The following BYSL variants were observed in gnomAD, a reference collection of about 807,000 sequenced individuals.
BYSL encodes the protein bystin.
In BYSL, 21 loss-of-function variants were observed where a neutral mutation model predicts 45.4. The ratio of observed to expected loss-of-function variants is 0.46; its 90% confidence interval spans 0.33 to 0.67. The LOEUF is 0.67. Among genes scored for constraint, BYSL ranks in the 30% least tolerant of loss-of-function variants. BYSL has a pLI of 0.02. For missense variants in BYSL, 522 were observed against 578.5 expected (o/e 0.90, Z 1.00); for synonymous variants, 215 against 231.3 (o/e 0.93, Z 0.64).
At chr6:41,926,867 G>A (rs1000847759) in intron 1 of BYSL, among the ~76,000 whole-genome samples, 7 of 151,180 alleles carry the variant, frequency 4.6e-5, no homozygotes, top group Non-Finnish European at 7.4e-5. Flanking sequence ...AGGCCAAGGC[G>A]GGCGGATCAC....
rs1348691111 is a variant in BYSL at position 41,921,835 on chromosome 6, GTGTC to G, written c.268+8_268+11del. On this transcript the variant is annotated splice_donor_region_variant and intron_variant, in intron 1 of 6. Transcript: ENST00000230340. ...GGGAACGCACCACGCGGCTGGGTGA[GTGTC>G]TGGGATGAGGTCCGAGGAAGACAGT... 1 of 1,609,712 alleles carries G rather than the reference GTGTC, an allele frequency of 6.2e-7. No individual in the cohort carries two copies. Among genetic ancestry groups the G allele is most frequent in the Non-Finnish European group, 8.5e-7 (1 of 1,178,406 alleles).
At chr6:41,918,924 G>A (rs796380767), upstream of BYSL, among the ~76,000 whole-genome samples, 665 of 138,370 alleles carry the variant, frequency 4.8e-3, 6 homozygotes, top group African/African-American at 0.017. Context: ...TCCGCAGTCC[G>A]GCCTGGGCGA....
At chr6:41,909,347 G>C in the BYSL span, 1 of 1,614,150 alleles carries the variant, frequency 6.2e-7, no homozygotes, top group South Asian at 1.1e-5. Context: ...ACTGGTACCT[G>C]GTGCCCCGGG....
At chr6:41,928,861 G>A (rs1404135399) in intron 2 of BYSL, among the ~76,000 whole-genome samples, 4 of 152,114 alleles carry the variant, frequency 2.6e-5, no homozygotes, top group South Asian at 2.1e-4. Context: ...TAAGTGTTGC[G>A]CTGACTCTAG....
chr6:41,917,047 G>T, upstream of BYSL: 1 of 1,168,166 alleles, frequency 8.6e-7, no homozygotes, highest in Non-Finnish European at 1.2e-6. Context: ...AAGTTATCTT[G>T]GAAATTACCT....
At chr6:41,916,955 C>T, upstream of BYSL, 2 of 1,613,466 alleles carry the variant, frequency 1.2e-6, no homozygotes, top group South Asian at 2.2e-5. Flanking sequence ...AAGGAGAGCA[C>T]CAAATCGTCA....
chr6:41,910,587 G>A, the BYSL span, among the ~76,000 whole-genome samples: 1 of 149,562 alleles, frequency 6.7e-6, no homozygotes, highest in Non-Finnish European at 1.5e-5. Context: ...AGTTGAGAGC[G>A]TGTCACTGCA....
At position 41,931,558 on chromosome 6, in the gene BYSL, T is replaced by C; in HGVS notation, c.865+2T>C. On this transcript the variant is annotated splice_donor_variant, in intron 5 of 6. Transcript: ENST00000230340. LOFTEE classifies it high-confidence loss of function. ...TCAAACCTGGAGCCTGGTTCAAAGG[T>C]GGGATCCCAGAGGCACGGAAGAAAG... is the stretch of plus-strand genomic sequence containing the variant. The C allele has an allele frequency of 4.3e-6, 7 of 1,614,054 alleles. No homozygotes were observed. The highest frequency in any genetic ancestry group is 5.9e-6 in the Non-Finnish European group (7 of 1,180,000).
chr6:41,931,563 T>C lies in BYSL; in HGVS notation c.865+7T>C, dbSNP rs1175465568. The C allele has an allele frequency of 6.2e-7, 1 of 1,614,130 alleles. No homozygotes were observed. The highest frequency in any genetic ancestry group is 1.7e-5 in the Admixed American group (1 of 60,018). On this transcript the variant is annotated splice_region_variant and intron_variant, in intron 5 of 6. Coordinates refer to ENST00000230340, the MANE Select transcript of BYSL (RefSeq NM_004053.4). ...CCTGGAGCCTGGTTCAAAGGTGGGA[T>C]CCCAGAGGCACGGAAGAAAGGGAAG... is the stretch of plus-strand genomic sequence containing the variant.
chr6:41,923,267 A>G (rs1582070299), intron 1 of BYSL, among the ~76,000 whole-genome samples: 1 of 148,676 alleles, frequency 6.7e-6, no homozygotes, highest in South Asian at 2.1e-4. Context: ...TCAGCCTCCC[A>G]CGTAGCTGGG....
rs565068778 is a variant in BYSL at position 41,932,634 on chromosome 6, G to A, written c.1242G>A (p.Ser414=). The A allele has an allele frequency of 2.2e-5, 36 of 1,614,196 alleles. No individual in the cohort carries two copies. In the East Asian group the frequency reaches 6.0e-4, roughly 27 times the overall value. ...GGCTGCAGCCCCATCCACAGCTATC[G>A]CCCGAAATCAGGCGTGAGCTTCAGA... is the stretch of plus-strand genomic sequence containing the variant. The part of the protein sequence containing the change: ...LLRLQPHPQL[S]PEIRRELQSA... The change falls in exon 7 of 7, where the codon TCG becomes TCA. Residue 414 remains serine, a synonymous_variant. Transcript: ENST00000230340. This position sits in a 1 kb window ranked among gnomAD's most constrained non-coding sequence, Gnocchi z 4.7.
chr6:41,919,572 T>C (rs1159974749), upstream of BYSL, among the ~76,000 whole-genome samples: 2 of 152,082 alleles, frequency 1.3e-5, no homozygotes, highest in Non-Finnish European at 2.9e-5. Flanking sequence ...AGTCCTAGGA[T>C]TCTGAAAACG....
At chr6:41,909,334 A>T in the BYSL span, 54 of 1,614,010 alleles carry the variant, frequency 3.3e-5, no homozygotes, top group Non-Finnish European at 4.4e-5. Flanking sequence ...AGGAAGTCAC[A>T]GTACTGGTAC....
At chr6:41,910,315 A>G in the BYSL span, among the ~76,000 whole-genome samples, 1 of 152,204 alleles carries the variant, frequency 6.6e-6, no homozygotes, top group Non-Finnish European at 1.5e-5. Context: ...GGAAAGCTAT[A>G]CACATTTAGT....
chr6:41,929,323 C>T (rs1463842658), intron 2 of BYSL, among the ~76,000 whole-genome samples: 2 of 152,130 alleles, frequency 1.3e-5, no homozygotes, highest in East Asian at 3.9e-4. Context: ...CATGGGGAGA[C>T]CCCATCTCTA....
At chr6:41,909,717 C>T in the BYSL span, among the ~76,000 whole-genome samples, 3 of 152,262 alleles carry the variant, frequency 2.0e-5, no homozygotes, top group South Asian at 2.1e-4. Flanking sequence ...GGAGAGGCAG[C>T]ATGTGGTAAA....
upstream of BYSL, among the ~76,000 whole-genome samples, chr6:41,918,872 G>A (rs1320011551): frequency 6.7e-6 from 1 of 148,918 alleles, no homozygotes; most frequent in African/African-American, 2.5e-5. Context: ...GCGTGAACCC[G>A]GGAAGCGGAG....
intron 1 of BYSL, among the ~76,000 whole-genome samples, chr6:41,925,778 C>T (rs1775556106): frequency 6.6e-6 from 1 of 152,050 alleles, no homozygotes; most frequent in Admixed American, 6.6e-5. Context: ...CTCCACCTCC[C>T]GGGTTCAAGC....
chr6:41,913,449 T>A, the BYSL span, among the ~76,000 whole-genome samples: 1 of 152,240 alleles, frequency 6.6e-6, no homozygotes, highest in Non-Finnish European at 1.5e-5. Flanking sequence ...TGCCATCTCA[T>A]ATCTATATCC....
Sources: gnomAD v4.1 joint callset for allele counts (sites outside exome capture counted in the v4.1 genomes callset) on GRCh38, gnomAD v4.1.1 for gene constraint, Gnocchi (gnomAD v3.1) non-coding constraint, MANE v1.5 for transcripts, NCBI Gene and HGNC (gene_info 2026-07-23, HGNC 2026-07-21) for gene names.